KANSL2: variants seen among roughly 807,000 people sequenced by gnomAD.
KANSL2 encodes KAT8 regulatory NSL complex subunit 2.
In KANSL2, 34 loss-of-function variants were observed where a neutral mutation model predicts 55.6. The observed-to-expected ratio is 0.61, with a 90% CI of 0.46 to 0.81. The LOEUF (loss-of-function observed/expected upper bound fraction) is 0.81. Ranked by LOEUF, KANSL2 falls within the 40% of genes least tolerant of loss-of-function variation. The pLI is 0.00. For missense variants in KANSL2, 502 were observed against 609.9 expected, an observed-to-expected ratio of 0.82 and a Z score of 1.86; for synonymous variants, 209 against 214.3, an observed-to-expected ratio of 0.98 and a Z score of 0.22.
chr12:48,677,855 G>A (rs1362392076), intron 4 of KANSL2, among the ~76,000 whole-genome samples: 1 of 149,080 alleles, frequency 6.7e-6, no homozygotes, highest in Non-Finnish European at 1.5e-5. Flanking sequence ...AGAGAATCCT[G>A]CAAGAGAACA....
chr12:48,657,033 A>C (rs1939398336), intron 8 of KANSL2, among the ~76,000 whole-genome samples: 1 of 152,222 alleles, frequency 6.6e-6, no homozygotes. Flanking sequence ...TAATCACCAA[A>C]AATGAGAATC....
chr12:48,662,656 T>C, intron 7 of KANSL2: 3 of 1,287,250 alleles, frequency 2.3e-6, no homozygotes, highest in Non-Finnish European at 3.0e-6. Context: ...CATCTTTCTC[T>C]GGGATAAGGA....
intron 4 of KANSL2, among the ~76,000 whole-genome samples, chr12:48,672,420 T>TATAC (rs983113884): frequency 3.5e-5 from 4 of 113,738 alleles, no homozygotes; most frequent in Admixed American, 2.5e-4. Context: ...TATATATATA[T>TATAC]ATATATATAT....
chr12:48,657,606 G>C (rs569462969), intron 8 of KANSL2, among the ~76,000 whole-genome samples: 890 of 78,500 alleles, frequency 0.011, 7 homozygotes, highest in African/African-American at 0.036. Context: ...TGTGCAATTT[G>C]TGTGTGTGTG....
intron 4 of KANSL2, among the ~76,000 whole-genome samples, chr12:48,677,334 C>A: frequency 6.6e-6 from 1 of 152,280 alleles, no homozygotes; most frequent in East Asian, 1.9e-4. Context: ...CCATGTGCCT[C>A]CTAGAGACTG....
intron 5 of KANSL2, 97 bp downstream of exon 5, chr12:48,671,702 C>T: frequency 7.9e-7 from 1 of 1,270,598 alleles, no homozygotes; most frequent in Non-Finnish European, 1.1e-6. Context: ...AATCACCTAA[C>T]AAAGTATGTA....
chr12:48,673,333 G>A (rs955435954), intron 4 of KANSL2, among the ~76,000 whole-genome samples: 2 of 151,968 alleles, frequency 1.3e-5, no homozygotes, highest in African/African-American at 4.8e-5. Context: ...GCCAAGGCAG[G>A]CGAATCACCT....
At position 48,674,291 on chromosome 12, in the gene KANSL2, C is replaced by T. The variant is rs558438738; in HGVS notation, c.546-2329G>A. On this transcript the variant is annotated intron_variant, in intron 4 of 9. Transcript: ENST00000420613. ...CAGTAGTTGAGATTGCAGGCGTGTG[C>T]CACCACACCTGGCTAATTTTTTTAT... is the stretch of plus-strand genomic sequence containing the variant. Among the ~76,000 whole-genome samples the T allele has an allele frequency of 3.3e-5, 5 of 152,242 alleles. No individual in the cohort carries two copies. The East Asian group carries it at 5.8e-4, about 18-fold the overall frequency.
intron 8 of KANSL2, among the ~76,000 whole-genome samples, chr12:48,657,999 G>A (rs1358044614): frequency 6.6e-6 from 1 of 152,168 alleles, no homozygotes. Context: ...GGGAGGCCAA[G>A]GTGGGCGAAA....
At chr12:48,665,689 T>C (rs1253963942) in intron 7 of KANSL2, among the ~76,000 whole-genome samples, 1 of 152,232 alleles carries the variant, frequency 6.6e-6, no homozygotes, top group Non-Finnish European at 1.5e-5. Flanking sequence ...TCTCAATGCC[T>C]ATAATAAATA....
rs537700569 is a variant in KANSL2, at chr12:48,671,756, T to C, written c.709+43A>G. 25 of 1,568,952 alleles carry C rather than the reference T, an allele frequency of 1.6e-5. 1 individual carries two copies. The highest frequency in any genetic ancestry group is 1.0e-4 in the South Asian group (9 of 86,018). On this transcript the variant is annotated intron_variant, in intron 5 of 9. Coordinates refer to ENST00000420613, the MANE Select transcript of KANSL2 (RefSeq NM_017822.4). ...ACATGACTGTACTACCAAATTCACA[T>C]GTTAAACCCACAACAGCTTGTTGGA...
At chr12:48,680,842 G>T (rs1296820595) in intron 2 of KANSL2, among the ~76,000 whole-genome samples, 1 of 151,942 alleles carries the variant, frequency 6.6e-6, no homozygotes, top group Non-Finnish European at 1.5e-5. Context: ...GCCGGGCATA[G>T]TGGCGCACGC....
intron 7 of KANSL2, among the ~76,000 whole-genome samples, chr12:48,665,067 G>C (rs1200262324): frequency 6.6e-6 from 1 of 151,644 alleles, no homozygotes; most frequent in African/African-American, 2.4e-5. Flanking sequence ...TTAGAGATGA[G>C]GTCTTACTGT....
In KANSL2 at chr12:48,679,026, T is replaced by A. The variant is rs1306638760; in HGVS notation, c.545+10A>T. 2.5e-6 allele frequency: 4 copies of A among 1,588,624 alleles called. No individual in the cohort carries two copies. The highest frequency in any genetic ancestry group is 3.5e-6 in the Non-Finnish European group (4 of 1,157,226). ...ACATTTCAAATGCCTTATGTGGAGT[T>A]ACAACTTACTTTAGGGGATCTTCTT... On this transcript the variant is annotated intron_variant, in intron 4 of 9. Coordinates refer to ENST00000420613, the MANE Select transcript of KANSL2 (RefSeq NM_017822.4).
chr12:48,668,022 T>C (rs1939635244), intron 6 of KANSL2, among the ~76,000 whole-genome samples: 2 of 152,222 alleles, frequency 1.3e-5, no homozygotes, highest in Admixed American at 6.5e-5. Context: ...TGATATAGCC[T>C]ATTTAACACA....
intron 4 of KANSL2, among the ~76,000 whole-genome samples, chr12:48,672,579 C>T (rs1939746463): frequency 6.6e-6 from 1 of 151,056 alleles, no homozygotes; most frequent in African/African-American, 2.4e-5. Context: ...TACAGGTGTG[C>T]ACCACCCCAC....
intron 7 of KANSL2, chr12:48,662,445 T>A: frequency 1.0e-6 from 1 of 995,236 alleles, no homozygotes; most frequent in Non-Finnish European, 1.2e-6. Context: ...CTTTCACAAG[T>A]CTCTTATGTA....
rs372978655 is a variant in KANSL2, at chr12:48,660,435, G to A, written c.1158C>T (p.Gly386=). 1.1e-4 allele frequency: 172 copies of A among 1,613,810 alleles called. No individual in the cohort carries two copies. The highest frequency in any genetic ancestry group is 1.4e-4 in the Non-Finnish European group (168 of 1,179,872). ...VLSVPDDLEA[G]PMDLYLSAAE... is the part of the protein sequence containing the mutation. ...CAGCACTCAAGTACAGATCCATGGG[G>A]CCGGCTTCCAGATCGTCTGGCACAG... The change falls in exon 8 of 10, where the codon GGC becomes GGT. Residue 386 remains glycine (G), a synonymous_variant. Coordinates refer to ENST00000420613, the MANE Select transcript of KANSL2 (RefSeq NM_017822.4).
At chr12:48,670,554 T>A (rs574043818) in intron 5 of KANSL2, among the ~76,000 whole-genome samples, 40 of 152,314 alleles carry the variant, frequency 2.6e-4, no homozygotes, top group African/African-American at 7.5e-4. Context: ...GATTTTTTTT[T>A]AATTAAAACT....
Sources: allele counts gnomAD v4.1 joint callset (sites outside exome capture counted in the v4.1 genomes callset), GRCh38; gene constraint gnomAD v4.1.1; transcripts MANE v1.5; gene names NCBI Gene and HGNC (gene_info 2026-07-23, HGNC 2026-07-21).